The following GMEB1 variants were observed in gnomAD, a reference collection of about 807,000 sequenced individuals.
The protein encoded by GMEB1 is glucocorticoid modulatory element-binding protein 1.
Under a neutral mutation model 52.4 loss-of-function variants are expected in GMEB1, and 6 were observed. The observed-to-expected ratio is 0.11, with a 90% CI of 0.06 to 0.23. The LOEUF is 0.23. GMEB1 is among the 10% of genes least tolerant of loss of function. GMEB1 has a pLI of 1.00. For missense variants in GMEB1, 486 were observed against 685.6 expected (o/e 0.71, Z 3.25); for synonymous variants, 255 against 244.9 (o/e 1.04, Z -0.38).
At chr1:28,697,159 G>GCACATATA (rs1670245040) in intron 6 of GMEB1, 75 bp downstream of exon 6, 1 of 189,898 alleles carries the variant, frequency 5.3e-6, no homozygotes, top group Non-Finnish European at 8.9e-6. Context: ...TCCCTTGTGT[G>GCACATATA]TACATATATA....
chr1:28,694,951 C>T (rs1488630499), intron 5 of GMEB1, among the ~76,000 whole-genome samples: 28 of 146,910 alleles, frequency 1.9e-4, no homozygotes, highest in African/African-American at 6.6e-4. Flanking sequence ...CGTGAGCCAC[C>T]GTGGCCAGCC....
chr1:28,708,660 G>A (rs1570435870), intron 8 of GMEB1, among the ~76,000 whole-genome samples: 2 of 148,950 alleles, frequency 1.3e-5, no homozygotes, highest in South Asian at 2.1e-4. Context: ...TAGTAGCAAC[G>A]GGGTTTCACC....
intron 5 of GMEB1, among the ~76,000 whole-genome samples, chr1:28,695,979 C>A (rs1670189669): frequency 3.1e-5 from 4 of 130,616 alleles, no homozygotes; most frequent in South Asian, 2.4e-4. Flanking sequence ...AAAAAATTTT[C>A]AGATGATTTG....
At position 28,694,336 on chromosome 1, in the gene GMEB1, G is replaced by A. The variant is rs573671077; in HGVS notation, c.440+1291G>A. On this transcript the variant is annotated intron_variant, in intron 5 of 9. Coordinates refer to ENST00000373816, the MANE Select transcript of GMEB1 (RefSeq NM_001319674.2). ...CTCCCCAGTAGCTGGGACTACAGGCGCGTGCCACCATACCCAGCTAATTTT... is the reference window on the plus strand; with the variant it reads ...CTCCCCAGTAGCTGGGACTACAGGCACGTGCCACCATACCCAGCTAATTTT... 2.5e-4 allele frequency among the ~76,000 whole-genome samples: 38 copies of A among 150,438 alleles called. 1 individual carries two copies. The highest frequency in any genetic ancestry group is 3.4e-3 in the Middle Eastern group (1 of 290).
At position 28,690,155 on chromosome 1, in the gene GMEB1, T is replaced by C; in HGVS notation, c.180T>C (p.Thr60=). ...ACACGGCAGTTGTAGCAGTAGAAAC[T>C]CACACGATACACAAAATTGAAGAAG... ...ENNTAVVAVE[T]HTIHKIEEGI... The change falls in exon 3 of 10, where the codon ACT becomes ACC. Residue 60 remains threonine, a synonymous_variant. Coordinates refer to ENST00000373816, the MANE Select transcript of GMEB1 (RefSeq NM_001319674.2). 1 of 1,558,980 alleles carries C rather than the reference T, an allele frequency of 6.4e-7. No individual in the cohort carries two copies. The highest frequency in any genetic ancestry group is 1.1e-5 in the South Asian group (1 of 87,140).
intron 3 of GMEB1, 129 bp downstream of exon 3, chr1:28,690,315 C>G: frequency 1.8e-6 from 1 of 546,104 alleles, no homozygotes; most frequent in Non-Finnish European, 3.2e-6. Flanking sequence ...TGTGCCCTAC[C>G]AGTACTACAG....
At chr1:28,700,216 A>G (rs1234429670) in intron 6 of GMEB1, among the ~76,000 whole-genome samples, 3 of 151,954 alleles carry the variant, frequency 2.0e-5, no homozygotes, top group African/African-American at 7.2e-5. Context: ...AAAAATATAA[A>G]AATTAGCTGG....
intron 2 of GMEB1, among the ~76,000 whole-genome samples, chr1:28,688,013 G>T (rs564864381): frequency 2.6e-5 from 4 of 152,114 alleles, no homozygotes; most frequent in African/African-American, 9.7e-5. Context: ...GGCTGGGCAC[G>T]GTGGCTCACG....
intron 3 of GMEB1, among the ~76,000 whole-genome samples, 197 bp from the exon 4 acceptor site, chr1:28,691,388 C>T (rs1421342223): frequency 1.3e-5 from 2 of 152,138 alleles, no homozygotes; most frequent in African/African-American, 4.8e-5. Flanking sequence ...GTGTAAAATA[C>T]ATAGTATGGT....
chr1:28,700,058 C>CAAAA (rs34231884), intron 6 of GMEB1, among the ~76,000 whole-genome samples: 2 of 61,134 alleles, frequency 3.3e-5, no homozygotes, highest in Non-Finnish European at 6.1e-5. Flanking sequence ...GACCCTGTCT[C>CAAAA]AAAAAAAAAA....
At chr1:28,684,816 C>T (rs975013299) in intron 2 of GMEB1, among the ~76,000 whole-genome samples, 1 of 152,052 alleles carries the variant, frequency 6.6e-6, no homozygotes, top group Non-Finnish European at 1.5e-5. Flanking sequence ...CACATATACC[C>T]ATGTAACAAA....
intron 1 of GMEB1, among the ~76,000 whole-genome samples, chr1:28,672,200 T>C (rs919755338): frequency 8.5e-5 from 5 of 59,166 alleles, no homozygotes; most frequent in Non-Finnish European, 2.2e-4. Context: ...CTTTTATTTT[T>C]ATTTATTTAT....
At chr1:28,690,953 C>A (rs1000260096) in intron 3 of GMEB1, among the ~76,000 whole-genome samples, 1 of 151,752 alleles carries the variant, frequency 6.6e-6, no homozygotes, top group Non-Finnish European at 1.5e-5. Context: ...GCATTCCAGC[C>A]TGGGCAACAA....
At chr1:28,673,253 G>C (rs1464711895) in intron 1 of GMEB1, among the ~76,000 whole-genome samples, 3 of 150,580 alleles carry the variant, frequency 2.0e-5, no homozygotes, top group Admixed American at 2.0e-4. Flanking sequence ...TGTGACACTT[G>C]TCCATTTTTC....
chr1:28,707,735 G>A (rs943433529), intron 8 of GMEB1, among the ~76,000 whole-genome samples: 2 of 152,104 alleles, frequency 1.3e-5, no homozygotes, highest in Non-Finnish European at 2.9e-5. Context: ...CTAGATAGAA[G>A]TATGAATGTG....
chr1:28,703,839 T>C (rs988700287), intron 7 of GMEB1, among the ~76,000 whole-genome samples: 19 of 152,090 alleles, frequency 1.2e-4, no homozygotes, highest in Non-Finnish European at 2.5e-4. Context: ...ATATTAAATA[T>C]CTCGTTTTTA....
At chr1:28,685,461 C>CA (rs1471670321) in intron 2 of GMEB1, among the ~76,000 whole-genome samples, 1 of 151,304 alleles carries the variant, frequency 6.6e-6, no homozygotes, top group East Asian at 1.9e-4. Flanking sequence ...GACTCTGTCT[C>CA]AAAAAAGAAA....
At position 28,715,827 on chromosome 1, in the gene GMEB1, C is replaced by G. The variant is rs368259352; in HGVS notation, c.*1054C>G. 6.6e-6 allele frequency: 1 copy of G among 152,102 alleles called. No individual in the cohort carries two copies. 9.4% of individuals were successfully genotyped at this position (152,102 alleles called of 1,614,324 possible). A position where few individuals can be genotyped will look rare whatever the true frequency, so the allele number is the denominator to read the frequency against. On this transcript the variant is annotated 3_prime_UTR_variant, in exon 10 of 10. Coordinates refer to ENST00000373816, the MANE Select transcript of GMEB1 (RefSeq NM_001319674.2). ...AAAGCCAAGGCCGGGTGCGGTGGCTCATGCCTGTAATCCCAGCACTTTGGG... is the reference window on the plus strand; with the variant it reads ...AAAGCCAAGGCCGGGTGCGGTGGCTGATGCCTGTAATCCCAGCACTTTGGG...
Position 28,690,185 on chromosome 1 carries a change from T to A in GMEB1, c.210T>A (p.Ile70=). The A allele has an allele frequency of 7.5e-7, 1 of 1,331,404 alleles. No homozygotes were observed. 82.5% of individuals were successfully genotyped at this position (1,331,404 alleles called of 1,614,324 possible). A position where few individuals can be genotyped will look rare whatever the true frequency, so the allele number is the denominator to read the frequency against. Residue 70 remains isoleucine (I), a splice_region_variant and synonymous_variant, in exon 3 of 10, where the codon ATT becomes ATA. Transcript: ENST00000373816. The stretch of plus-strand genomic sequence containing the variant: ...CGATACACAAAATTGAAGAAGGGAT[T>A]GGTAAGGGTTTTTTTGTGTTTTTTT... ...THTIHKIEEG[I]DTGTIEANED... is the part of the protein sequence containing the mutation.
Sources: allele counts gnomAD v4.1 joint callset (sites outside exome capture counted in the v4.1 genomes callset), GRCh38; gene constraint gnomAD v4.1.1; transcripts MANE v1.5; gene names NCBI Gene and HGNC (gene_info 2026-07-23, HGNC 2026-07-21).